Variants in MTUS1 observed in about 807,000 individuals in gnomAD.
The protein encoded by MTUS1 is microtubule-associated tumor suppressor 1.
Under a neutral mutation model 120.8 loss-of-function variants are expected in MTUS1, and 109 were observed. The ratio of observed to expected loss-of-function variants is 0.90; its 90% CI spans 0.77 to 1.06. The LOEUF (loss-of-function observed/expected upper bound fraction) is 1.06, where lower values mean the gene tolerates loss of function less well. Among genes scored for constraint, MTUS1 ranks in the 50% least tolerant of loss-of-function variants. The probability of loss-of-function intolerance (pLI) is 0.00; values close to 1 mark genes in which losing one functional copy is unlikely to be tolerated. For missense variants in MTUS1, 2,210 were observed against 1,486.3 expected (o/e 1.49, Z -8.01); for synonymous variants, 737 against 550.5 (o/e 1.34, Z -4.74).
At chr8:17,702,526 T>C (rs1279287769) in intron 6 of MTUS1, among the ~76,000 whole-genome samples, 1 of 152,192 alleles carries the variant, frequency 6.6e-6, no homozygotes, top group Admixed American at 6.5e-5. Flanking sequence ...TAACAAACCT[T>C]GTACCATTGA....
At chr8:17,720,904 T>C (rs2045787582) in intron 4 of MTUS1, among the ~76,000 whole-genome samples, 1 of 152,140 alleles carries the variant, frequency 6.6e-6, no homozygotes, top group Admixed American at 6.5e-5. Flanking sequence ...TTTTCTACAC[T>C]TAAAAGAACA....
intron 6 of MTUS1, among the ~76,000 whole-genome samples, chr8:17,685,396 A>AC (rs1321434970): frequency 6.6e-6 from 1 of 152,208 alleles, no homozygotes; most frequent in Non-Finnish European, 1.5e-5. Flanking sequence ...GAAAAACAGG[A>AC]CATCAATTGC....
intron 2 of MTUS1, among the ~76,000 whole-genome samples, chr8:17,746,920 C>T (rs2047797718): frequency 6.6e-6 from 1 of 152,140 alleles, no homozygotes; most frequent in Non-Finnish European, 1.5e-5. Context: ...CCTGTATTCA[C>T]CACAACATAC....
chr8:17,646,841 T>G (rs1805894692), intron 14 of MTUS1, 141 bp downstream of exon 14: 1 of 643,384 alleles, frequency 1.6e-6, no homozygotes, highest in African/African-American at 1.8e-5. Flanking sequence ...AATCATATTT[T>G]CCACAGAGAA....
intron 8 of MTUS1, among the ~76,000 whole-genome samples, chr8:17,663,263 G>A (rs1229890917): frequency 6.6e-6 from 1 of 152,160 alleles, no homozygotes; most frequent in Non-Finnish European, 1.5e-5. Context: ...TTTTCTCAGA[G>A]GGGAAGGTCA....
chr8:17,706,587 G>C (rs1001412078), intron 6 of MTUS1, among the ~76,000 whole-genome samples: 1 of 152,070 alleles, frequency 6.6e-6, no homozygotes, highest in Non-Finnish European at 1.5e-5. Flanking sequence ...TGTCAACCAC[G>C]GTATAAAATG....
chr8:17,657,820 C>G (rs1030611674), intron 8 of MTUS1, among the ~76,000 whole-genome samples: 2 of 112,958 alleles, frequency 1.8e-5, no homozygotes, highest in Admixed American at 1.8e-4. Context: ...AAAAAAAAAG[C>G]AATATAAAAT....
chr8:17,744,254 G>C (rs1457768612), intron 2 of MTUS1, among the ~76,000 whole-genome samples: 1 of 152,102 alleles, frequency 6.6e-6, no homozygotes, highest in East Asian at 1.9e-4. Flanking sequence ...AATTAGCTGA[G>C]AGTCTAGCAC....
chr8:17,658,453 A>G (rs1345849971), intron 8 of MTUS1, among the ~76,000 whole-genome samples: 1 of 152,214 alleles, frequency 6.6e-6, no homozygotes, highest in African/African-American at 2.4e-5. Context: ...AATAAATCCT[A>G]GAAAATCTTG....
At chr8:17,709,637 G>A (rs1041406560) in intron 6 of MTUS1, among the ~76,000 whole-genome samples, 2 of 151,982 alleles carry the variant, frequency 1.3e-5, no homozygotes, top group Non-Finnish European at 2.9e-5. Context: ...AAAATTGTCT[G>A]GTTTCTCAGT....
chr8:17,675,160 T>TAAC (rs759302493), intron 8 of MTUS1, 26 bp downstream of exon 8: 20 of 1,613,048 alleles, frequency 1.2e-5, no homozygotes, highest in African/African-American at 5.3e-5. Flanking sequence ...CCATAAAATT[T>TAAC]AACAACAACA....
At chr8:17,786,853 C>T (rs1169004701) in intron 1 of MTUS1, among the ~76,000 whole-genome samples, 3 of 152,200 alleles carry the variant, frequency 2.0e-5, no homozygotes, top group African/African-American at 4.8e-5. Flanking sequence ...AAGAGACTTT[C>T]GCTCAGGCCA....
At chr8:17,760,915 A>G (rs1432833347) in intron 1 of MTUS1, among the ~76,000 whole-genome samples, 1 of 152,150 alleles carries the variant, frequency 6.6e-6, no homozygotes, top group African/African-American at 2.4e-5. Context: ...CACCAGAACA[A>G]GGTATAACAC....
At position 17,723,760 on chromosome 8, in the gene MTUS1, T is replaced by C. The variant is rs368232455; in HGVS notation, c.2361A>G (p.Ala787=). The change falls in exon 4 of 15, where the codon GCA becomes GCG. Residue 787 remains alanine, a synonymous_variant. Transcript: ENST00000693296. ...NLPRPLPKSK[A]SLKSPALRRT... ...TCCGCAGCGCAGGACTTTTCAAAGATGCTTTGGATTTAGGAAGTGGTCTAG... is the reference window on the plus strand; with the variant it reads ...TCCGCAGCGCAGGACTTTTCAAAGACGCTTTGGATTTAGGAAGTGGTCTAG... The C allele has an allele frequency of 3.1e-6, 5 of 1,610,412 alleles. No homozygotes were observed. The highest frequency in any genetic ancestry group is 3.4e-6 in the Non-Finnish European group (4 of 1,177,492).
intron 3 of MTUS1, among the ~76,000 whole-genome samples, chr8:17,730,822 C>T (rs138281856): frequency 4.6e-5 from 7 of 152,030 alleles, no homozygotes; most frequent in Non-Finnish European, 7.4e-5. Context: ...CTGAAAGAGA[C>T]GGAGAACTGG....
intron 6 of MTUS1, among the ~76,000 whole-genome samples, chr8:17,701,334 C>A (rs1244967938): frequency 6.6e-6 from 1 of 152,094 alleles, no homozygotes; most frequent in Non-Finnish European, 1.5e-5. Context: ...TCCTCTTCCT[C>A]AGTACGAAGA....
intron 1 of MTUS1, chr8:17,758,242 A>G (rs1223804222): frequency 6.6e-6 from 1 of 152,174 alleles, no homozygotes; most frequent in Non-Finnish European, 1.5e-5. Flanking sequence ...TTAAAACTGA[A>G]ACGATCAGTT....
chr8:17,740,475 T>C (rs1412646197), intron 3 of MTUS1, among the ~76,000 whole-genome samples: 2 of 152,252 alleles, frequency 1.3e-5, no homozygotes, highest in African/African-American at 2.4e-5. Context: ...CACTTCATTG[T>C]ACAATCAATG....
chr8:17,751,278 G>C (rs1182010686), intron 2 of MTUS1, among the ~76,000 whole-genome samples: 1 of 151,724 alleles, frequency 6.6e-6, no homozygotes, highest in Non-Finnish European at 1.5e-5. Context: ...CATCCTGGGT[G>C]AGAGAGGAGA....
Sources: gnomAD v4.1 joint callset for allele counts (sites outside exome capture counted in the v4.1 genomes callset) on GRCh38, gnomAD v4.1.1 for gene constraint, MANE v1.5 for transcripts, NCBI Gene and HGNC (gene_info 2026-07-23, HGNC 2026-07-21) for gene names.